The following DPP10 variants were observed in gnomAD, a reference collection of about 807,000 sequenced individuals.
DPP10 encodes inactive dipeptidyl peptidase 10.
DPP10 carries 33 observed loss-of-function variants against 120.9 expected under a neutral mutation model. The ratio of observed to expected loss-of-function variants is 0.27; its 90% CI spans 0.21 to 0.37. DPP10 has a LOEUF of 0.37. Among genes scored for constraint, DPP10 ranks in the 10% least tolerant of loss-of-function variants. DPP10 has a pLI of 1.00. For synonymous variants in DPP10, 337 were observed against 326.1 expected, an observed-to-expected ratio of 1.03 and a Z score of -0.36; for missense variants, 816 against 942.8, an observed-to-expected ratio of 0.87 and a Z score of 1.76.
At chr2:115,454,309 C>A (rs1266348526) in intron 3 of DPP10, among the ~76,000 whole-genome samples, 2 of 151,584 alleles carry the variant, frequency 1.3e-5, no homozygotes, top group African/African-American at 2.4e-5. Flanking sequence ...TAATATTTTT[C>A]ATAAATGTAG....
At position 114,684,660 on chromosome 2, in the gene DPP10, CA is replaced by C. The variant is rs68013237; in HGVS notation, c.60+241823del. Among the ~76,000 whole-genome samples, 1,302 of 152,044 alleles carry C rather than the reference CA, an allele frequency of 8.6e-3. 17 individuals are homozygous for C. Among genetic ancestry groups the C allele is most frequent in the African/African-American group, 0.03 (1,228 of 41,530 alleles). ...CCCTGTGCTCTGCTCTCCCATTTGC[CA>C]CATTTTGCCGGATGAGTCTGGTATG... On this transcript the variant is annotated intron_variant, in intron 1 of 25. Transcript: ENST00000410059.
intron 3 of DPP10, among the ~76,000 whole-genome samples, chr2:115,376,785 A>T (rs2065836868): frequency 6.7e-6 from 1 of 149,820 alleles, no homozygotes; most frequent in Admixed American, 6.8e-5. Context: ...CCCACCTATG[A>T]GTCAGAATAT....
intron 1 of DPP10, among the ~76,000 whole-genome samples, chr2:114,991,862 T>C (rs541192413): frequency 1.3e-5 from 2 of 152,302 alleles, no homozygotes; most frequent in African/African-American, 4.8e-5. Flanking sequence ...TATCCACATA[T>C]GCTCATGTCC....
chr2:115,087,089 C>T (rs1009993339), intron 1 of DPP10, among the ~76,000 whole-genome samples: 1 of 152,154 alleles, frequency 6.6e-6, no homozygotes, highest in African/African-American at 2.4e-5. Context: ...TATTCCAAGT[C>T]GAGCGTATTC....
chr2:115,727,993 C>T, intron 8 of DPP10, 57 bp downstream of exon 8: 1 of 1,546,014 alleles, frequency 6.5e-7, no homozygotes, highest in Non-Finnish European at 8.7e-7. Flanking sequence ...TATACAAAAT[C>T]TACCAAAAAA....
chr2:114,456,504 A>G (rs995357631), intron 1 of DPP10, among the ~76,000 whole-genome samples: 5 of 152,242 alleles, frequency 3.3e-5, no homozygotes, highest in Admixed American at 6.5e-5. Flanking sequence ...TATTTGCAAA[A>G]CATTTTAGAT....
intron 1 of DPP10, among the ~76,000 whole-genome samples, chr2:114,996,452 T>A (rs1279043403): frequency 6.6e-6 from 1 of 152,238 alleles, no homozygotes; most frequent in East Asian, 1.9e-4. Context: ...GTTTTTCTTC[T>A]TTTTTGACTT....
At chr2:114,625,134 G>T (rs1694413042) in intron 1 of DPP10, among the ~76,000 whole-genome samples, 1 of 151,972 alleles carries the variant, frequency 6.6e-6, no homozygotes, top group Non-Finnish European at 1.5e-5. Flanking sequence ...GTAGTTGGCT[G>T]ACATTGCTAA....
intron 1 of DPP10, among the ~76,000 whole-genome samples, chr2:115,014,578 C>G (rs1702498574): frequency 6.6e-6 from 1 of 151,508 alleles, no homozygotes; most frequent in African/African-American, 2.4e-5. Flanking sequence ...AAAAGATCAA[C>G]AAAATAGACC....
At chr2:115,283,913 G>A (rs2060261380) in intron 1 of DPP10, among the ~76,000 whole-genome samples, 2 of 151,974 alleles carry the variant, frequency 1.3e-5, no homozygotes, top group African/African-American at 4.8e-5. Context: ...GGAGCAATAG[G>A]CTAGACTGTA....
Position 115,103,184 on chromosome 2 carries a change from C to CTTT in DPP10, c.61-206036_61-206034dup, listed in dbSNP as rs71394123. On this transcript the variant is annotated intron_variant, in intron 1 of 25. Coordinates refer to ENST00000410059, the MANE Select transcript of DPP10 (RefSeq NM_020868.6). The stretch of plus-strand genomic sequence containing the variant: ...CTTCAGACAATGATTCTGATTCTCT[C>CTTT]TTTTTTTTTTTTTTTTTTTTTGAGA... 2.1e-3 allele frequency among the ~76,000 whole-genome samples: 252 copies of CTTT among 122,120 alleles called. 1 individual carries two copies. The highest frequency in any genetic ancestry group is 4.4e-3 in the Middle Eastern group (1 of 228). The allele number at this position is 122,120 out of a possible 152,430, so 80.1% of individuals were successfully genotyped here. A position where few individuals can be genotyped will look rare whatever the true frequency, so the allele number is the denominator to read the frequency against.
chr2:115,818,826 G>T (rs575512246), intron 21 of DPP10, among the ~76,000 whole-genome samples: 4 of 152,260 alleles, frequency 2.6e-5, no homozygotes, highest in Non-Finnish European at 5.9e-5. Flanking sequence ...TATACTTGAT[G>T]TGCCTCAGAG....
chr2:114,478,899 A>G (rs1680763151), intron 1 of DPP10, among the ~76,000 whole-genome samples: 3 of 151,484 alleles, frequency 2.0e-5, no homozygotes, highest in Admixed American at 1.3e-4. Context: ...AAAATGACAA[A>G]ATGCTGATGA....
intron 7 of DPP10, among the ~76,000 whole-genome samples, chr2:115,711,845 A>G (rs962160259): frequency 6.6e-6 from 1 of 150,922 alleles, no homozygotes; most frequent in Non-Finnish European, 1.5e-5. Flanking sequence ...GTTCATTTTT[A>G]CTTAAGAAGA....
At chr2:115,601,506 T>C (rs1237383062) in intron 5 of DPP10, among the ~76,000 whole-genome samples, 1 of 152,176 alleles carries the variant, frequency 6.6e-6, no homozygotes, top group African/African-American at 2.4e-5. Flanking sequence ...TTAAATGCAT[T>C]GTTATTAAAA....
intron 1 of DPP10, among the ~76,000 whole-genome samples, chr2:115,063,334 G>T (rs1400678698): frequency 6.6e-6 from 1 of 152,130 alleles, no homozygotes; most frequent in African/African-American, 2.4e-5. Context: ...CCATTCTGTA[G>T]GTTGTCTGTT....
chr2:115,105,043 G>T (rs930952979), intron 1 of DPP10, among the ~76,000 whole-genome samples: 2 of 152,014 alleles, frequency 1.3e-5, no homozygotes, highest in African/African-American at 4.8e-5. Flanking sequence ...ATCAACGTTT[G>T]CTTGAATTGA....
Position 114,562,213 on chromosome 2 carries a change from T to C in DPP10, c.60+119375T>C, listed in dbSNP as rs562440974. 2.0e-5 allele frequency among the ~76,000 whole-genome samples: 3 copies of C among 152,372 alleles called. No individual in the cohort carries two copies. In the East Asian group the frequency reaches 5.8e-4, roughly 29 times the overall value. On this transcript the variant is annotated intron_variant, in intron 1 of 25. Transcript: ENST00000410059. The stretch of plus-strand genomic sequence containing the variant: ...ACAAATCTGCTCACCTTCCACTCTA[T>C]GCTACCTTTTCTATTTTGAGAGAAT...
intron 1 of DPP10, among the ~76,000 whole-genome samples, chr2:115,240,633 T>C (rs759506685): frequency 1.8e-4 from 28 of 152,196 alleles, no homozygotes; most frequent in Non-Finnish European, 2.5e-4. Context: ...CTCTTTAGCG[T>C]CAGCATGACT....
Sources: gnomAD v4.1 joint callset for allele counts (sites outside exome capture counted in the v4.1 genomes callset) on GRCh38, gnomAD v4.1.1 for gene constraint, MANE v1.5 for transcripts, NCBI Gene and HGNC (gene_info 2026-07-23, HGNC 2026-07-21) for gene names.